Variants in DPYD observed in about 807,000 individuals in gnomAD.
DPYD encodes dihydropyrimidine dehydrogenase [NADP(+)].
A neutral mutation model predicts 116.2 loss-of-function variants in DPYD; 109 were observed. The ratio of observed to expected loss-of-function variants is 0.94; its 90% CI spans 0.80 to 1.10. The LOEUF is 1.10. Among genes scored for constraint, DPYD ranks in the 50% least tolerant of loss-of-function variants. The pLI, the probability that DPYD is intolerant of heterozygous loss-of-function variation, is 0.00. For synonymous variants in DPYD, 440 were observed against 432.0 expected (o/e 1.02, Z -0.23); for missense variants, 1,302 against 1,254.5 (o/e 1.04, Z -0.57).
chr1:97,169,224 T>C (rs1468851240), intron 20 of DPYD, among the ~76,000 whole-genome samples: 5 of 152,324 alleles, frequency 3.3e-5, no homozygotes, highest in Admixed American at 2.0e-4. Flanking sequence ...CTACCTACTT[T>C]GTGTTACCTA....
At position 97,760,948 on chromosome 1, in the gene DPYD, C is replaced by T. The variant is rs572736513; in HGVS notation, c.234-20469G>A. On this transcript the variant is annotated intron_variant, in intron 3 of 22. Coordinates refer to ENST00000370192, the MANE Select transcript of DPYD (RefSeq NM_000110.4). The stretch of plus-strand genomic sequence containing the variant: ...GGTTAGAACAACACTGAAAGTCGTG[C>T]TAATTAGGATAATATAAAACCGTAT... 4.1e-4 allele frequency among the ~76,000 whole-genome samples: 62 copies of T among 152,192 alleles called. 1 individual carries two copies. The highest frequency in any genetic ancestry group is 1.1e-3 in the African/African-American group (47 of 41,538).
chr1:97,133,887 T>A (rs1430770605), intron 20 of DPYD, among the ~76,000 whole-genome samples: 6 of 149,902 alleles, frequency 4.0e-5, no homozygotes, highest in African/African-American at 1.5e-4. Flanking sequence ...TAGTCCCAGC[T>A]ACTCAGGAGG....
chr1:97,588,556 C>T (rs1224686036), intron 10 of DPYD, among the ~76,000 whole-genome samples: 1 of 152,202 alleles, frequency 6.6e-6, no homozygotes, highest in African/African-American at 2.4e-5. Context: ...GATCTGTCAA[C>T]AGCTTTTAAT....
At chr1:97,713,802 G>A (rs957235057) in intron 5 of DPYD, among the ~76,000 whole-genome samples, 2 of 151,962 alleles carry the variant, frequency 1.3e-5, no homozygotes, top group African/African-American at 4.8e-5. Flanking sequence ...TTGGGTATTG[G>A]TTAAAGACAT....
intron 13 of DPYD, among the ~76,000 whole-genome samples, chr1:97,464,064 C>A (rs950772695): frequency 4.0e-5 from 6 of 151,852 alleles, no homozygotes; most frequent in African/African-American, 1.5e-4. Context: ...CATGGTGACA[C>A]CCTGTCTCTA....
chr1:97,559,919 A>G (rs1182046493), intron 11 of DPYD, among the ~76,000 whole-genome samples: 1 of 152,176 alleles, frequency 6.6e-6, no homozygotes, highest in Non-Finnish European at 1.5e-5. Flanking sequence ...TGTATATACT[A>G]TCTCTTTGGA....
chr1:97,786,484 C>T (rs1433581596), intron 3 of DPYD, among the ~76,000 whole-genome samples: 1 of 152,180 alleles, frequency 6.6e-6, no homozygotes, highest in East Asian at 1.9e-4. Flanking sequence ...TCATCTAAAA[C>T]CACCATCTAT....
rs182788362 is a variant in DPYD, at chr1:97,211,310, A to T, written c.2443-18062T>A. ...CTTAAACATCACTGCTCTAGAGACGACTCCCCAGCCAGACAAGGTATCCTC... is the reference window on the plus strand; with the variant it reads ...CTTAAACATCACTGCTCTAGAGACGTCTCCCCAGCCAGACAAGGTATCCTC... On this transcript the variant is annotated intron_variant, in intron 19 of 22. Transcript: ENST00000370192. Among the ~76,000 whole-genome samples the T allele has an allele frequency of 1.9e-3, 291 of 152,056 alleles. 1 individual carries two copies. Among genetic ancestry groups the T allele is most frequent in the African/African-American group, 6.7e-3 (276 of 41,488 alleles).
At chr1:97,196,434 A>G (rs559973971) in intron 19 of DPYD, among the ~76,000 whole-genome samples, 1 of 152,224 alleles carries the variant, frequency 6.6e-6, no homozygotes, top group African/African-American at 2.4e-5. Flanking sequence ...ATTTTTTTAA[A>G]GAATGAAAAT....
intron 3 of DPYD, among the ~76,000 whole-genome samples, chr1:97,771,765 A>T (rs1486924421): frequency 6.6e-6 from 1 of 152,222 alleles, no homozygotes; most frequent in Non-Finnish European, 1.5e-5. Flanking sequence ...TTTCTAAATA[A>T]TTACGAAAAC....
chr1:97,631,506 A>C (rs1657258550), intron 8 of DPYD, among the ~76,000 whole-genome samples: 1 of 152,060 alleles, frequency 6.6e-6, no homozygotes, highest in Non-Finnish European at 1.5e-5. Flanking sequence ...ATGTGAACCC[A>C]ATCTGAGAAA....
At chr1:97,683,761 T>A (rs956781637) in intron 7 of DPYD, among the ~76,000 whole-genome samples, 12 of 152,002 alleles carry the variant, frequency 7.9e-5, no homozygotes, top group African/African-American at 2.9e-4. Flanking sequence ...TTGATAAATT[T>A]AAAAAATGCA....
intron 18 of DPYD, among the ~76,000 whole-genome samples, chr1:97,257,408 T>C (rs1663554316): frequency 6.7e-6 from 1 of 148,440 alleles, no homozygotes; most frequent in Admixed American, 6.7e-5. Flanking sequence ...TTACTACTGG[T>C]ACTAAAGTAA....
chr1:97,495,471 C>G (rs761399554), intron 13 of DPYD, among the ~76,000 whole-genome samples: 5 of 152,002 alleles, frequency 3.3e-5, no homozygotes, highest in African/African-American at 4.8e-5. Context: ...CATGTGAACT[C>G]AATGTTTTAA....
chr1:97,210,168 T>C (rs1659944026), intron 19 of DPYD, among the ~76,000 whole-genome samples: 1 of 152,122 alleles, frequency 6.6e-6, no homozygotes, highest in African/African-American at 2.4e-5. Flanking sequence ...GAAGAAGGAA[T>C]GTTTCCTGAA....
At chr1:97,603,919 G>C (rs1655416890) in intron 8 of DPYD, among the ~76,000 whole-genome samples, 1 of 152,040 alleles carries the variant, frequency 6.6e-6, no homozygotes, top group South Asian at 2.1e-4. Context: ...AAAAAAATGA[G>C]GTGAAACACA....
chr1:97,406,289 TAAA>T (rs11366169), intron 14 of DPYD, among the ~76,000 whole-genome samples: 1 of 143,920 alleles, frequency 6.9e-6, no homozygotes, highest in Non-Finnish European at 1.5e-5. Flanking sequence ...TTTTTTTTTT[TAAA>T]ATTATTAATT....
At chr1:97,338,213 T>C (rs1669403803) in intron 16 of DPYD, among the ~76,000 whole-genome samples, 2 of 152,010 alleles carry the variant, frequency 1.3e-5, no homozygotes, top group South Asian at 4.2e-4. Context: ...AAAATAAAGG[T>C]GAAAATAAAA....
At chr1:97,693,312 AAAAAACC>A (rs1447776919) in intron 6 of DPYD, among the ~76,000 whole-genome samples, 1 of 121,394 alleles carries the variant, frequency 8.2e-6, no homozygotes, top group Admixed American at 8.0e-5. Flanking sequence ...AAAAAAAAAA[AAAAAACC>A]AAAAAAGAAA....
Sources: gnomAD v4.1 joint callset for allele counts (sites outside exome capture counted in the v4.1 genomes callset) on GRCh38, gnomAD v4.1.1 for gene constraint, MANE v1.5 for transcripts, NCBI Gene and HGNC (gene_info 2026-07-23, HGNC 2026-07-21) for gene names.